Variants in TMPRSS11D observed in about 807,000 individuals in gnomAD.
TMPRSS11D encodes transmembrane protease serine 11D.
Under a neutral mutation model 44.4 loss-of-function variants are expected in TMPRSS11D, and 32 were observed. That is an observed-to-expected ratio of 0.72 (90% CI 0.54 to 0.97). The LOEUF is 0.97. Among genes scored for constraint, TMPRSS11D ranks in the 50% least tolerant of loss-of-function variants. The probability of loss-of-function intolerance (pLI) is 0.00; values close to 1 mark genes in which losing one functional copy is unlikely to be tolerated. For synonymous variants in TMPRSS11D, 179 were observed against 177.9 expected (o/e 1.01, Z -0.05); for missense variants, 446 against 502.6 (o/e 0.89, Z 1.08).
intron 1 of TMPRSS11D, among the ~76,000 whole-genome samples, chr4:67,869,198 C>T (rs1004583362): frequency 6.6e-6 from 1 of 152,084 alleles, no homozygotes; most frequent in African/African-American, 2.4e-5. Context: ...TGGAAGTGTT[C>T]TTTTTGAAGT....
intron 2 of TMPRSS11D, among the ~76,000 whole-genome samples, chr4:67,857,265 A>C (rs1718660537): frequency 7.9e-6 from 1 of 126,986 alleles, no homozygotes; most frequent in Non-Finnish European, 1.7e-5. Context: ...GGATAAAGAA[A>C]ATATGGTATA....
chr4:67,873,434 G>C (rs1719108207), intron 1 of TMPRSS11D, among the ~76,000 whole-genome samples: 1 of 152,132 alleles, frequency 6.6e-6, no homozygotes, highest in Admixed American at 6.5e-5. Context: ...TCCATTCTGG[G>C]AATCTGGGAA....
intron 9 of TMPRSS11D, 95 bp downstream of exon 9, chr4:67,825,637 T>C: frequency 7.4e-7 from 1 of 1,354,962 alleles, no homozygotes. Context: ...CTGTGTATTG[T>C]AACTGTTACA....
intron 5 of TMPRSS11D, among the ~76,000 whole-genome samples, chr4:67,836,906 T>A (rs1441177765): frequency 1.3e-5 from 2 of 152,160 alleles, no homozygotes; most frequent in Non-Finnish European, 2.9e-5. Context: ...TCTCAAAATA[T>A]GTAAATCCTA....
intron 1 of TMPRSS11D, among the ~76,000 whole-genome samples, chr4:67,861,478 C>T (rs369363579): frequency 6.6e-6 from 1 of 152,194 alleles, no homozygotes; most frequent in South Asian, 2.1e-4. Flanking sequence ...CTAAAGAAAT[C>T]TCAAATTGTT....
At chr4:67,826,711 G>A (rs978354637) in intron 8 of TMPRSS11D, among the ~76,000 whole-genome samples, 1 of 151,532 alleles carries the variant, frequency 6.6e-6, no homozygotes, top group Non-Finnish European at 1.5e-5. Context: ...ATGGCTTGAG[G>A]GCAGGAATTC....
chr4:67,881,385 TC>T (rs1442493685), intron 1 of TMPRSS11D, among the ~76,000 whole-genome samples: 1 of 152,166 alleles, frequency 6.6e-6, no homozygotes, highest in Admixed American at 6.5e-5. Flanking sequence ...CAGCTGATCT[TC>T]CTGTATGCAG....
chr4:67,877,772 C>A lies in TMPRSS11D; in HGVS notation c.8+6154G>T, dbSNP rs1313719863. On this transcript the variant is annotated intron_variant, in intron 1 of 9. Transcript: ENST00000283916. ...AATCTGGTTCTTTCGACTTCTTAGA[C>A]ATATCTCAAGTTGTATTGCAAGTCC... is the stretch of plus-strand genomic sequence containing the variant. Among the ~76,000 whole-genome samples, 4 of 152,302 alleles carry A rather than the reference C, an allele frequency of 2.6e-5. No homozygotes were observed. The South Asian group carries it at 8.3e-4, about 32-fold the overall frequency.
chr4:67,853,062 T>C (rs1718546438), intron 3 of TMPRSS11D, among the ~76,000 whole-genome samples: 1 of 152,164 alleles, frequency 6.6e-6, no homozygotes. Context: ...GCTATAAGAA[T>C]AAGTGGGGCA....
chr4:67,852,055 A>G (rs1718522244), intron 3 of TMPRSS11D, among the ~76,000 whole-genome samples: 2 of 152,168 alleles, frequency 1.3e-5, no homozygotes, highest in African/African-American at 4.8e-5. Flanking sequence ...GACTCCCTTC[A>G]GTCTTCTGTG....
chr4:67,866,185 G>T (rs888108209), intron 1 of TMPRSS11D, among the ~76,000 whole-genome samples: 3 of 151,992 alleles, frequency 2.0e-5, no homozygotes, highest in Non-Finnish European at 4.4e-5. Context: ...ATGCAAGTAT[G>T]ATTCAACATA....
At chr4:67,832,517 C>A (rs1242648323) in intron 7 of TMPRSS11D, among the ~76,000 whole-genome samples, 1 of 151,782 alleles carries the variant, frequency 6.6e-6, no homozygotes, top group Non-Finnish European at 1.5e-5. Context: ...ATAGTTTAGT[C>A]ACCTCAATTA....
chr4:67,867,690 G>A (rs1718958605), intron 1 of TMPRSS11D, among the ~76,000 whole-genome samples: 1 of 151,802 alleles, frequency 6.6e-6, no homozygotes, highest in Non-Finnish European at 1.5e-5. Flanking sequence ...CATTTCTCAA[G>A]AGACATACAA....
chr4:67,881,353 T>C lies in TMPRSS11D; in HGVS notation c.8+2573A>G, dbSNP rs549606222. 8.5e-4 allele frequency among the ~76,000 whole-genome samples: 129 copies of C among 152,308 alleles called. No individual in the cohort carries two copies. In the South Asian group the frequency reaches 0.015, roughly 17 times the overall value. ...GCATGGGATAATTTGCTAGAAAATA[T>C]ATAATCCCAGATGACTGACTGCAGC... On this transcript the variant is annotated intron_variant, in intron 1 of 9. Transcript: ENST00000283916.
intron 3 of TMPRSS11D, among the ~76,000 whole-genome samples, chr4:67,849,045 T>C (rs1286656716): frequency 1.3e-5 from 2 of 152,162 alleles, no homozygotes; most frequent in Non-Finnish European, 2.9e-5. Context: ...TGGATAGTCA[T>C]GCAGCAATGG....
At chr4:67,873,120 T>A (rs1719102327) in intron 1 of TMPRSS11D, among the ~76,000 whole-genome samples, 1 of 152,206 alleles carries the variant, frequency 6.6e-6, no homozygotes, top group Non-Finnish European at 1.5e-5. Flanking sequence ...AGATGCCAAA[T>A]GACAAAAAGC....
intron 1 of TMPRSS11D, among the ~76,000 whole-genome samples, chr4:67,881,776 C>T (rs1719325385): frequency 6.6e-6 from 1 of 152,150 alleles, no homozygotes; most frequent in Non-Finnish European, 1.5e-5. Flanking sequence ...GTCAGTTAAT[C>T]ATGTCTTGAG....
At chr4:67,854,586 T>C (rs536986241) in intron 2 of TMPRSS11D, among the ~76,000 whole-genome samples, 5 of 152,318 alleles carry the variant, frequency 3.3e-5, no homozygotes, top group African/African-American at 1.2e-4. Context: ...TCAAAAATTA[T>C]TTCAAATAAT....
At chr4:67,844,880 T>A (rs569263729) in intron 3 of TMPRSS11D, among the ~76,000 whole-genome samples, 65 of 152,288 alleles carry the variant, frequency 4.3e-4, no homozygotes, top group Non-Finnish European at 7.1e-4. Flanking sequence ...AGTAATCTAC[T>A]TAGAAGCATG....
Sources: allele counts gnomAD v4.1 joint callset (sites outside exome capture counted in the v4.1 genomes callset), GRCh38; gene constraint gnomAD v4.1.1; transcripts MANE v1.5; gene names NCBI Gene and HGNC (gene_info 2026-07-23, HGNC 2026-07-21).